SMIM27: variants seen among roughly 807,000 people sequenced by gnomAD.
The protein encoded by SMIM27 is TOPORS antisense RNA 1 (non-protein coding).
Under a neutral mutation model 1.8 loss-of-function variants are expected in SMIM27, and 3 were observed. The ratio of observed to expected loss-of-function variants is 1.65; its 90% confidence interval spans 0.75 to 4.28. SMIM27 has a LOEUF of 4.28. SMIM27 is among the 30% of genes most tolerant of loss of function. SMIM27 has a pLI of 0.02. For missense variants in SMIM27, 63 were observed against 37.0 expected (o/e 1.70, Z -1.83); for synonymous variants, 19 against 13.9 (o/e 1.37, Z -0.82).
chr9:32,559,269 C>A (rs1587640163), intron 1 of SMIM27, among the ~76,000 whole-genome samples: 1 of 152,166 alleles, frequency 6.6e-6, no homozygotes, highest in African/African-American at 2.4e-5. Flanking sequence ...TTAATTCTAT[C>A]TTAAGAATAT....
rs1214320895 is a variant in SMIM27, at chr9:32,552,406, C to T, written c.-29C>T. On this transcript the variant is annotated 5_prime_UTR_variant, in exon 1 of 2. Transcript: ENST00000692500. ...CTGTAAGGCCCGCAGCTCCCGCCAG[C>T]TCCCGCGGACTGCTGCCGCCTCCTT... is the stretch of plus-strand genomic sequence containing the variant. The T allele has an allele frequency of 1.2e-6, 2 of 1,608,430 alleles. No homozygotes were observed. Among genetic ancestry groups the T allele is most frequent in the Non-Finnish European group, 1.7e-6 (2 of 1,177,876 alleles).
downstream of SMIM27, among the ~76,000 whole-genome samples, chr9:32,557,292 T>C (rs1356259796): frequency 1.3e-5 from 2 of 149,940 alleles, no homozygotes; most frequent in Non-Finnish European, 3.0e-5. Context: ...AGCCTCCAGG[T>C]AGCTGGGATT....
intron 1 of SMIM27, among the ~76,000 whole-genome samples, chr9:32,559,930 C>T (rs915634246): frequency 3.9e-5 from 6 of 152,138 alleles, no homozygotes; most frequent in Non-Finnish European, 7.3e-5. Flanking sequence ...TTGTTGAATA[C>T]ATGTACTTTT....
intron 1 of SMIM27, among the ~76,000 whole-genome samples, chr9:32,559,327 T>C (rs1290604324): frequency 6.6e-6 from 1 of 152,194 alleles, no homozygotes; most frequent in Non-Finnish European, 1.5e-5. Flanking sequence ...CAAGCCTCTA[T>C]CATATTTTCA....
downstream of SMIM27, chr9:32,553,763 T>C (rs1440021805): frequency 1.4e-5 from 10 of 730,068 alleles, no homozygotes; most frequent in African/African-American, 3.6e-5. Flanking sequence ...AAAACAGATA[T>C]GACAATTTCT....
chr9:32,552,865 G>C lies in SMIM27; in HGVS notation c.110G>C (p.Arg37Thr), dbSNP rs1380852132. The C allele has an allele frequency of 2.8e-6, 2 of 702,644 alleles. No individual in the cohort carries two copies. The highest frequency in any genetic ancestry group is 2.6e-6 in the Non-Finnish European group (1 of 384,846). The allele number at this position is 702,644 out of a possible 1,614,324, so 43.5% of individuals were successfully genotyped here. The change falls in exon 2 of 2, where the codon AGA becomes ACA. Residue 37 changes from arginine (R) to threonine (T), a missense_variant. Coordinates refer to ENST00000692500, the MANE Select transcript of SMIM27 (RefSeq NM_001387564.1). Reference protein sequence around the residue: ...CIIYASMVSARRQLRKKYPDK... With the variant: ...CIIYASMVSATRQLRKKYPDK... ...ATCTATGCTTCGATGGTGTCTGCAA[G>C]ACGACAGCTAAGGAAGAAATACCCA...
rs531629321 is a variant in SMIM27, at chr9:32,559,548, G to C, written c.46-6843G>C. ...ACAGCCACAGTGGCTCCATTCCTAG[G>C]AGTCCAATTCAGTCAAGCCTGCTTG... On this transcript the variant is annotated intron_variant, in intron 1 of 1. Coordinates refer to the SMIM27 transcript ENST00000451672. Among the ~76,000 whole-genome samples, 4 of 152,190 alleles carry C rather than the reference G, an allele frequency of 2.6e-5. No individual in the cohort carries two copies. The East Asian group carries it at 5.8e-4, about 22-fold the overall frequency.
At chr9:32,566,246 G>T (rs1290238431) in intron 1 of SMIM27, 2 of 1,002,352 alleles carry the variant, frequency 2.0e-6, no homozygotes, top group African/African-American at 1.6e-5. Context: ...GTTTTCTTAT[G>T]GCAGACAACA....
At chr9:32,561,059 G>A (rs1285844887) in intron 1 of SMIM27, among the ~76,000 whole-genome samples, 1 of 152,162 alleles carries the variant, frequency 6.6e-6, no homozygotes. Flanking sequence ...ATGAAATGAA[G>A]TAGCCTTTTT....
Position 32,558,116 on chromosome 9 carries a change from C to CTTTTTTTTT in SMIM27, c.45+5637_45+5638insTTTTTTTTT, listed in dbSNP as rs1563992291. On this transcript the variant is annotated intron_variant, in intron 1 of 1. Coordinates refer to the SMIM27 transcript ENST00000451672. ...CTATAGCTCACACATTCATAGTATACATTTTTTTTTTTTGAGACGGAGTCT... is the reference window on the plus strand; with the variant it reads ...CTATAGCTCACACATTCATAGTATACTTTTTTTTTATTTTTTTTTTTTGAGACGGAGTCT... 7.3e-3 allele frequency among the ~76,000 whole-genome samples: 630 copies of CTTTTTTTTT among 86,522 alleles called. 13 individuals are homozygous for CTTTTTTTTT. The highest frequency in any genetic ancestry group is 0.022 in the African/African-American group (593 of 27,074). The allele number at this position is 86,522 out of a possible 152,430, so 56.8% of individuals were successfully genotyped here.
At chr9:32,564,550 A>C (rs1425859712) in intron 1 of SMIM27, among the ~76,000 whole-genome samples, 1 of 152,212 alleles carries the variant, frequency 6.6e-6, no homozygotes, top group Non-Finnish European at 1.5e-5. Context: ...TCATTAAATA[A>C]ATGCCCATTT....
At chr9:32,559,466 C>T (rs1007318663) in intron 1 of SMIM27, among the ~76,000 whole-genome samples, 1 of 152,176 alleles carries the variant, frequency 6.6e-6, no homozygotes, top group Non-Finnish European at 1.5e-5. Flanking sequence ...TCACTCTGCT[C>T]AAAGTTTCAT....
intron 1 of SMIM27, chr9:32,565,518 G>C (rs1587646942): frequency 6.6e-6 from 1 of 152,210 alleles, no homozygotes; most frequent in Admixed American, 6.5e-5. Flanking sequence ...CACCGTTTTA[G>C]TATGGTGACC....
downstream of SMIM27, chr9:32,553,257 C>G (rs576958273): frequency 5.1e-6 from 1 of 197,756 alleles, no homozygotes; most frequent in African/African-American, 2.4e-5. Context: ...GGCACTATCT[C>G]GGCTTACTGC....
At chr9:32,557,287 C>T (rs1397868933), downstream of SMIM27, among the ~76,000 whole-genome samples, 1 of 150,048 alleles carries the variant, frequency 6.7e-6, no homozygotes, top group Non-Finnish European at 1.5e-5. Flanking sequence ...GCCTCAGCCT[C>T]CAGGTAGCTG....
At chr9:32,561,325 ATTTTC>A (rs1276302813) in intron 1 of SMIM27, among the ~76,000 whole-genome samples, 3 of 148,642 alleles carry the variant, frequency 2.0e-5, no homozygotes, top group Non-Finnish European at 3.0e-5. Flanking sequence ...AAAATTCACT[ATTTTC>A]TTTTTTTTTT....
At chr9:32,561,360 A>G (rs540899320) in intron 1 of SMIM27, among the ~76,000 whole-genome samples, 3 of 151,146 alleles carry the variant, frequency 2.0e-5, no homozygotes, top group African/African-American at 7.3e-5. Flanking sequence ...GAGTCTCGTT[A>G]TATCGCTCAG....
At chr9:32,556,845 ACTT>A (rs1821469278), downstream of SMIM27, among the ~76,000 whole-genome samples, 2 of 94,760 alleles carry the variant, frequency 2.1e-5, no homozygotes, top group Admixed American at 2.3e-4. Context: ...GAAATCCCCT[ACTT>A]TTTTTTTTTT....
chr9:32,560,987 G>C (rs1277784349), intron 1 of SMIM27, among the ~76,000 whole-genome samples: 1 of 152,186 alleles, frequency 6.6e-6, no homozygotes. Context: ...CTGACAGAAA[G>C]TAATATATTT....
Sources: gnomAD v4.1 joint callset for allele counts (sites outside exome capture counted in the v4.1 genomes callset) on GRCh38, gnomAD v4.1.1 for gene constraint, MANE v1.5 for transcripts, NCBI Gene and HGNC (gene_info 2026-07-23, HGNC 2026-07-21) for gene names.